The following ATL2 variants were observed in gnomAD, a reference collection of about 807,000 sequenced individuals.
ATL2 encodes atlastin-2.
ATL2 carries 31 observed loss-of-function variants against 73.9 expected under a neutral mutation model. That is an observed-to-expected ratio of 0.42 (90% CI 0.32 to 0.57). The LOEUF (loss-of-function observed/expected upper bound fraction) is 0.57. Ranked by LOEUF, ATL2 falls within the 20% of genes least tolerant of loss-of-function variation. The pLI, the probability that ATL2 is intolerant of heterozygous loss-of-function variation, is 0.14. For synonymous variants in ATL2, 291 were observed against 237.5 expected (o/e 1.23, Z -2.07); for missense variants, 738 against 702.6 (o/e 1.05, Z -0.57).
At chr2:38,296,707 CAAAAG>C in intron 12 of ATL2, 1 of 1,553,544 alleles carries the variant, frequency 6.4e-7, no homozygotes. Flanking sequence ...TCCTCTGAAG[CAAAAG>C]AAAAGAGAAA....
Position 38,343,415 on chromosome 2 carries a change from G to C in ATL2, c.216C>G (p.Asn72Lys). ...QIVLAHEDDH[N>K]FELDEEALEQ... Reference sequence around the variant, plus strand: ...CCAAAGCTTCTTCATCAAGTTCAAAGTTATGGTCATCTTCATGAGCAAGAA... The same window carrying C: ...CCAAAGCTTCTTCATCAAGTTCAAACTTATGGTCATCTTCATGAGCAAGAA... The change falls in exon 2 of 13, where the codon AAC becomes AAG. Residue 72 changes from asparagine to lysine, a missense_variant. Physicochemically the swap from Asn to Lys is moderately conservative, Grantham distance 94. Transcript: ENST00000378954. The C allele has an allele frequency of 1.2e-6, 2 of 1,612,828 alleles. No homozygotes were observed. Among genetic ancestry groups the C allele is most frequent in the South Asian group, 1.1e-5 (1 of 91,002 alleles).
chr2:38,366,621 C>T (rs1671346329), intron 1 of ATL2, among the ~76,000 whole-genome samples: 1 of 152,186 alleles, frequency 6.6e-6, no homozygotes, highest in African/African-American at 2.4e-5. Context: ...TGAAGTATTC[C>T]TCAACAACTC....
chr2:38,333,840 C>T (rs958657516), intron 2 of ATL2, among the ~76,000 whole-genome samples: 4 of 152,234 alleles, frequency 2.6e-5, no homozygotes, highest in East Asian at 1.9e-4. Context: ...ACTTCCATCT[C>T]GTTTATTTCT....
intron 2 of ATL2, among the ~76,000 whole-genome samples, chr2:38,341,123 C>G (rs867343602): frequency 3.3e-5 from 5 of 152,214 alleles, no homozygotes; most frequent in African/African-American, 7.2e-5. Context: ...CCCTCCCCTT[C>G]TAACTTTCTA....
chr2:38,329,029 T>C (rs1668826409), intron 2 of ATL2, among the ~76,000 whole-genome samples: 2 of 149,302 alleles, frequency 1.3e-5, no homozygotes, highest in Non-Finnish European at 3.0e-5. Context: ...TACTAAGAAC[T>C]CTATGCCCAC....
At chr2:38,314,761 T>C (rs1667938442) in intron 5 of ATL2, 97 bp from the exon 6 acceptor site, 2 of 730,488 alleles carry the variant, frequency 2.7e-6, no homozygotes, top group Non-Finnish European at 4.5e-6. Flanking sequence ...ACCAGAACCT[T>C]TAAAATCATT....
rs549228018 is a variant in ATL2 at position 38,340,566 on chromosome 2, TTACA to T, written c.363+2698_363+2701del. On this transcript the variant is annotated intron_variant, in intron 2 of 12. Transcript: ENST00000378954. ...CTCACTACTTTCATCAACTGCATACTTACATACATTGACTCAAGTCAACACTGAA... is the reference window on the plus strand; with the variant it reads ...CTCACTACTTTCATCAACTGCATACTTACATTGACTCAAGTCAACACTGAA... Among the ~76,000 whole-genome samples the T allele has an allele frequency of 8.3e-4, 126 of 151,296 alleles. 2 individuals are homozygous for T. The highest frequency in any genetic ancestry group is 3.0e-3 in the African/African-American group (123 of 40,554).
At chr2:38,342,140 G>GA (rs1447834415) in intron 2 of ATL2, among the ~76,000 whole-genome samples, 2 of 151,212 alleles carry the variant, frequency 1.3e-5, no homozygotes, top group Non-Finnish European at 2.9e-5. Flanking sequence ...TTTCAGGAGA[G>GA]AAAGTCAGAG....
chr2:38,376,982 G>A (rs1672010901), intron 1 of ATL2, among the ~76,000 whole-genome samples, 161 bp downstream of exon 1: 1 of 151,274 alleles, frequency 6.6e-6, no homozygotes, highest in South Asian at 2.1e-4. Flanking sequence ...GGAGCGCGGG[G>A]CGCGGCTGAG....
intron 4 of ATL2, among the ~76,000 whole-genome samples, chr2:38,317,668 T>C (rs192792026): frequency 5.3e-5 from 8 of 152,276 alleles, no homozygotes; most frequent in Non-Finnish European, 1.5e-5. Flanking sequence ...AATAAAAAAC[T>C]AGACTTCTAA....
chr2:38,297,938 C>T (rs1200088393), intron 12 of ATL2: 3 of 532,790 alleles, frequency 5.6e-6, no homozygotes, highest in African/African-American at 3.8e-5. Flanking sequence ...GAGGATAGTA[C>T]AGATTTAGGC....
At chr2:38,373,237 A>T (rs1671783171) in intron 1 of ATL2, among the ~76,000 whole-genome samples, 1 of 152,208 alleles carries the variant, frequency 6.6e-6, no homozygotes, top group Non-Finnish European at 1.5e-5. Context: ...CCACAATCAG[A>T]GCATCTTTGC....
intron 11 of ATL2, among the ~76,000 whole-genome samples, chr2:38,298,786 C>T (rs551447089): frequency 1.3e-5 from 2 of 152,226 alleles, no homozygotes; most frequent in Admixed American, 6.5e-5. Flanking sequence ...ATATGACTAA[C>T]GGAAACTGAA....
chr2:38,347,232 T>C (rs1670075994), intron 1 of ATL2, among the ~76,000 whole-genome samples: 1 of 152,182 alleles, frequency 6.6e-6, no homozygotes, highest in African/African-American at 2.4e-5. Flanking sequence ...CTCCTCTCCA[T>C]AGCAGAGGGC....
At chr2:38,320,103 T>C (rs921085556) in intron 2 of ATL2, among the ~76,000 whole-genome samples, 4 of 152,048 alleles carry the variant, frequency 2.6e-5, no homozygotes, top group Non-Finnish European at 4.4e-5. Flanking sequence ...CGAAACTGCG[T>C]CTCAAAAACA....
At chr2:38,303,452 A>G (rs1201287828) in intron 9 of ATL2, among the ~76,000 whole-genome samples, 1 of 152,050 alleles carries the variant, frequency 6.6e-6, no homozygotes, top group Non-Finnish European at 1.5e-5. Context: ...TCAGCCTCCC[A>G]AAGTGCTAGG....
At chr2:38,344,342 T>C (rs759379607) in intron 1 of ATL2, among the ~76,000 whole-genome samples, 119 of 152,212 alleles carry the variant, frequency 7.8e-4, no homozygotes, top group Non-Finnish European at 5.9e-4. Flanking sequence ...TGTGGCTGGG[T>C]GCAGTGGGTG....
chr2:38,376,221 C>T (rs780791526), intron 1 of ATL2: 3 of 1,487,812 alleles, frequency 2.0e-6, no homozygotes, highest in East Asian at 2.5e-5. Flanking sequence ...ATTCGCACCA[C>T]AGTGAGAGAT....
chr2:38,341,692 C>A (rs1275066437), intron 2 of ATL2, among the ~76,000 whole-genome samples: 1 of 152,154 alleles, frequency 6.6e-6, no homozygotes, highest in Admixed American at 6.6e-5. Context: ...GTACCTTTCT[C>A]AATGTCCCAA....
Sources: gnomAD v4.1 joint callset for allele counts (sites outside exome capture counted in the v4.1 genomes callset) on GRCh38, gnomAD v4.1.1 for gene constraint, MANE v1.5 for transcripts, NCBI Gene and HGNC (gene_info 2026-07-23, HGNC 2026-07-21) for gene names.